Variants in ALKBH1 observed in about 807,000 individuals in gnomAD.
ALKBH1 encodes the protein nucleic acid dioxygenase ALKBH1.
A neutral mutation model predicts 36.6 loss-of-function variants in ALKBH1; 31 were observed. The ratio of observed to expected loss-of-function variants is 0.85; its 90% CI spans 0.64 to 1.14. The LOEUF (loss-of-function observed/expected upper bound fraction) is 1.14, where lower values mean the gene tolerates loss of function less well. Ranked by LOEUF, ALKBH1 falls within the 50% of genes most tolerant of loss-of-function variation. The pLI is 0.00. For synonymous variants in ALKBH1, 183 were observed against 186.6 expected (o/e 0.98, Z 0.16); for missense variants, 490 against 497.3 (o/e 0.99, Z 0.14).
intron 3 of ALKBH1, chr14:77,683,148 T>TA (rs1482078756): frequency 1.0e-4 from 46 of 450,658 alleles, no homozygotes; most frequent in Non-Finnish European, 7.8e-5. Flanking sequence ...AGCTGTAAAG[T>TA]CTTTTTTTTT....
chr14:77,685,651 C>T (rs1237536208), intron 3 of ALKBH1, among the ~76,000 whole-genome samples: 3 of 151,152 alleles, frequency 2.0e-5, no homozygotes, highest in South Asian at 2.1e-4. Context: ...TGGTGGTGCA[C>T]GCCTGTAGTC....
At chr14:77,674,348 T>A (rs1201949571) in intron 5 of ALKBH1, 107 bp from the exon 6 acceptor site, 3 of 1,221,508 alleles carry the variant, frequency 2.5e-6, no homozygotes, top group Non-Finnish European at 3.3e-6. Flanking sequence ...AATTTCAGGT[T>A]GATATTTATT....
chr14:77,707,023 C>T (rs1210863183), intron 1 of ALKBH1, among the ~76,000 whole-genome samples: 1 of 152,144 alleles, frequency 6.6e-6, no homozygotes, highest in East Asian at 1.9e-4. Context: ...AGTTTTGGTT[C>T]CCCGTTTTCC....
Position 77,675,049 on chromosome 14 carries a change from T to C in ALKBH1, c.740+607A>G, listed in dbSNP as rs76857886. On this transcript the variant is annotated intron_variant, in intron 5 of 5. Coordinates refer to ENST00000216489, the MANE Select transcript of ALKBH1 (RefSeq NM_006020.3). ...AGGCTTTTGTGCTTTGCTCTATAGTTTGCTCTTCTATACCAAAGGTCACTC... is the reference window on the plus strand; with the variant it reads ...AGGCTTTTGTGCTTTGCTCTATAGTCTGCTCTTCTATACCAAAGGTCACTC... 7.9e-3 allele frequency among the ~76,000 whole-genome samples: 1,202 copies of C among 152,300 alleles called. 10 individuals carry two copies. The highest frequency in any genetic ancestry group is 0.028 in the African/African-American group (1,159 of 41,562).
chr14:77,674,611 G>A (rs1043922297), intron 5 of ALKBH1, among the ~76,000 whole-genome samples: 1 of 152,060 alleles, frequency 6.6e-6, no homozygotes, highest in African/African-American at 2.4e-5. Context: ...GGAGTGCAGC[G>A]GCGCGATCTC....
chr14:77,704,909 T>C (rs529185931), intron 1 of ALKBH1, among the ~76,000 whole-genome samples: 1 of 152,294 alleles, frequency 6.6e-6, no homozygotes, highest in Admixed American at 6.5e-5. Context: ...AGCAGGCTAA[T>C]TTTGGCTTTC....
chr14:77,676,745 C>G (rs1264969422), intron 4 of ALKBH1, among the ~76,000 whole-genome samples: 1 of 152,150 alleles, frequency 6.6e-6, no homozygotes, highest in Non-Finnish European at 1.5e-5. Context: ...TTCTGCAAAT[C>G]TAAAACTATC....
intron 1 of ALKBH1, among the ~76,000 whole-genome samples, chr14:77,707,063 T>A (rs760167195): frequency 6.6e-6 from 1 of 152,200 alleles, no homozygotes; most frequent in African/African-American, 2.4e-5. Context: ...CTTAAAAAAA[T>A]AATTTTTAAA....
chr14:77,674,601 G>A lies in ALKBH1; in HGVS notation c.741-360C>T, dbSNP rs543630095. Among the ~76,000 whole-genome samples, 10 of 152,236 alleles carry A rather than the reference G, an allele frequency of 6.6e-5. No individual in the cohort carries two copies. The South Asian group carries it at 1.2e-3, about 19-fold the overall frequency. On this transcript the variant is annotated intron_variant, in intron 5 of 5. Coordinates refer to ENST00000216489, the MANE Select transcript of ALKBH1 (RefSeq NM_006020.3). ...TTTCGTCACCCAGGCTGGAGTGGCT[G>A]GAGTGCAGCGGCGCGATCTCGGCTC...
At chr14:77,687,566 C>A (rs1342786272) in intron 3 of ALKBH1, among the ~76,000 whole-genome samples, 4 of 152,132 alleles carry the variant, frequency 2.6e-5, no homozygotes, top group Non-Finnish European at 4.4e-5. Flanking sequence ...CACTCTCTCC[C>A]CTCACCATAA....
Position 77,675,684 on chromosome 14 carries a change from C to G in ALKBH1, c.712G>C (p.Asp238His). Residue 238 changes from aspartate to histidine, a missense_variant, in exon 5 of 6, where the codon GAT becomes CAT. Physicochemically the swap from Asp to His is moderately conservative, Grantham distance 81. Coordinates refer to ENST00000216489, the MANE Select transcript of ALKBH1 (RefSeq NM_006020.3). ...AATGACAGCAAGGGTTTGGAGTGAT[C>G]TAGCTCAGATCTGTCTACGTGGATT... Reference protein sequence around the residue: ...LGIHVDRSELDHSKPLLSFSF... With the variant: ...LGIHVDRSELHHSKPLLSFSF... 6.2e-7 allele frequency: 1 copy of G among 1,614,154 alleles called. No homozygotes were observed. The highest frequency in any genetic ancestry group is 1.7e-5 in the Admixed American group (1 of 60,014).
In ALKBH1 at chr14:77,673,962, G is replaced by A; in HGVS notation, c.1020C>T (p.Asn340=). Residue 340 remains asparagine, a synonymous_variant, in exon 6 of 6, where the codon AAC becomes AAT. Coordinates refer to ENST00000216489, the MANE Select transcript of ALKBH1 (RefSeq NM_006020.3). The stretch of plus-strand genomic sequence containing the variant: ...TGGCCAGGACCTGTCGGACAGTCAT[G>A]TTAACACGAGCGGTCTTCAAGTAGC... ...CASYLKTARV[N]MTVRQVLATD... 3 of 1,614,204 alleles carry A rather than the reference G, an allele frequency of 1.9e-6. No homozygotes were observed. Among genetic ancestry groups the A allele is most frequent in the Non-Finnish European group, 2.5e-6 (3 of 1,180,044 alleles).
chr14:77,694,855 T>A lies in ALKBH1; in HGVS notation c.338A>T (p.His113Leu), dbSNP rs771136828. The part of the protein sequence containing the change: ...PNPFLPGYQW[H>L]WVKQCLKLYS... ...TAACTTAAGGCACTGTTTCACCCAG[T>A]GCCACTGGTAACCTGGGAGGAAGGG... The change falls in exon 3 of 6, where the codon CAC becomes CTC. Residue 113 changes from histidine (H) to leucine (L), a missense_variant. By Grantham distance (99) the His-to-Leu change is moderately conservative (BLOSUM62 -3). Transcript: ENST00000216489. The A allele has an allele frequency of 6.3e-7, 1 of 1,586,808 alleles. No homozygotes were observed. The highest frequency in any genetic ancestry group is 2.3e-5 in the East Asian group (1 of 43,852).
Position 77,708,021 on chromosome 14 carries a change from T to C in ALKBH1, c.-17A>G, listed in dbSNP as rs2080407690. Reference sequence around the variant, plus strand: ...CTTCCCCATCTCGCGGCCTATACCCTCTGATCCGGAAGCAGATTCTCTCGT... The same window carrying C: ...CTTCCCCATCTCGCGGCCTATACCCCCTGATCCGGAAGCAGATTCTCTCGT... On this transcript the variant is annotated 5_prime_UTR_variant, in exon 1 of 6. Transcript: ENST00000216489. 1 of 1,609,266 alleles carries C rather than the reference T, an allele frequency of 6.2e-7. No individual in the cohort carries two copies.
intron 3 of ALKBH1, among the ~76,000 whole-genome samples, chr14:77,690,567 C>G (rs1482761720): frequency 6.6e-6 from 1 of 152,092 alleles, no homozygotes; most frequent in Non-Finnish European, 1.5e-5. Flanking sequence ...CAGCTTAGAC[C>G]AAGGCAGTTG....
chr14:77,685,759 C>A (rs1020167103), intron 3 of ALKBH1, among the ~76,000 whole-genome samples: 5 of 151,896 alleles, frequency 3.3e-5, no homozygotes, highest in Admixed American at 2.6e-4. Context: ...TAGAGTGAGA[C>A]CCTGTCTCGG....
intron 2 of ALKBH1, among the ~76,000 whole-genome samples, chr14:77,701,170 A>G (rs185168706): frequency 1.1e-3 from 168 of 152,286 alleles, no homozygotes; most frequent in African/African-American, 3.8e-3. Flanking sequence ...CTGCCTCTCT[A>G]TAATTTTCAG....
intron 2 of ALKBH1, 34 bp downstream of exon 2, chr14:77,704,335 T>G: frequency 2.8e-6 from 4 of 1,435,782 alleles, no homozygotes; most frequent in Non-Finnish European, 3.9e-6. Flanking sequence ...AATGATTGAG[T>G]GATATTGCCT....
chr14:77,680,677 C>CTTTTTTTTTTTTTTTTTT (rs1555383644), intron 3 of ALKBH1, among the ~76,000 whole-genome samples: 2 of 124,348 alleles, frequency 1.6e-5, no homozygotes, highest in African/African-American at 6.4e-5. Flanking sequence ...ATTAACTACT[C>CTTTTTTTTTTTTTTTTTT]TTTTTTTTTT....
Sources: gnomAD v4.1 joint callset for allele counts (sites outside exome capture counted in the v4.1 genomes callset) on GRCh38, gnomAD v4.1.1 for gene constraint, MANE v1.5 for transcripts, NCBI Gene and HGNC (gene_info 2026-07-23, HGNC 2026-07-21) for gene names.